Variants in BRINP2 observed in about 807,000 individuals in gnomAD.
The protein encoded by BRINP2 is BMP/retinoic acid inducible neural specific 2, also known as BMP/retinoic acid-inducible neural-specific protein 2.
BRINP2 carries 21 observed loss-of-function variants against 69.2 expected under a neutral mutation model. The ratio of observed to expected loss-of-function variants is 0.30; its 90% CI spans 0.22 to 0.44. The LOEUF (loss-of-function observed/expected upper bound fraction) is 0.44, where lower values mean the gene tolerates loss of function less well. Ranked by LOEUF, BRINP2 falls within the 20% of genes least tolerant of loss-of-function variation. BRINP2 has a pLI of 1.00. For synonymous variants in BRINP2, 380 were observed against 394.1 expected (o/e 0.96, Z 0.42); for missense variants, 877 against 986.0 (o/e 0.89, Z 1.48).
chr1:177,226,046 C>G (rs1649680713), intron 1 of BRINP2, among the ~76,000 whole-genome samples: 1 of 152,200 alleles, frequency 6.6e-6, no homozygotes, highest in South Asian at 2.1e-4. Context: ...AGCATAATTA[C>G]AAACAAAGAA....
In BRINP2 at chr1:177,177,258, GCAA is replaced by G. The variant is rs1428517542; in HGVS notation, c.-77+5529_-77+5531del. The stretch of plus-strand genomic sequence containing the variant: ...ATTGCGCCACTGCACTCCAGCCTGG[GCAA>G]CAGAGCGAGACTCTTTATAAAAACA... On this transcript the variant is annotated intron_variant, in intron 1 of 7. Coordinates refer to ENST00000361539, the MANE Select transcript of BRINP2 (RefSeq NM_021165.4). Among the ~76,000 whole-genome samples, 4 of 151,856 alleles carry G rather than the reference GCAA, an allele frequency of 2.6e-5. No individual in the cohort carries two copies. In the South Asian group the frequency reaches 8.3e-4, roughly 32 times the overall value.
At chr1:177,251,915 G>A (rs1016331130) in intron 2 of BRINP2, among the ~76,000 whole-genome samples, 1 of 152,112 alleles carries the variant, frequency 6.6e-6, no homozygotes, top group Non-Finnish European at 1.5e-5. Context: ...AAAAATAATA[G>A]ATTAGAAATT....
At chr1:177,238,385 C>T (rs1321713537) in intron 2 of BRINP2, among the ~76,000 whole-genome samples, 1 of 152,166 alleles carries the variant, frequency 6.6e-6, no homozygotes, top group Non-Finnish European at 1.5e-5. Context: ...GCCTTTGCCC[C>T]AAACTAAAGT....
intron 2 of BRINP2, 84 bp from the exon 3 acceptor site, chr1:177,255,835 G>C: frequency 7.2e-7 from 1 of 1,384,900 alleles, no homozygotes; most frequent in Non-Finnish European, 1.0e-6. Flanking sequence ...TGCAAGTGGA[G>C]GAAGAACATT....
intron 1 of BRINP2, among the ~76,000 whole-genome samples, chr1:177,200,734 T>G (rs1001955395): frequency 2.0e-5 from 3 of 152,216 alleles, no homozygotes; most frequent in Non-Finnish European, 2.9e-5. Flanking sequence ...TTATGATCAC[T>G]TAATACTTTG....
At position 177,230,674 on chromosome 1, in the gene BRINP2, G is replaced by T. The variant is rs139859990; in HGVS notation, c.269+529G>T. Reference sequence around the variant, plus strand: ...TCCGCAGGCCTTGTGGGAAAAAGGGGTTAGGCCCTTTAGGCCCATCCCCAG... The same window carrying T: ...TCCGCAGGCCTTGTGGGAAAAAGGGTTTAGGCCCTTTAGGCCCATCCCCAG... On this transcript the variant is annotated intron_variant, in intron 2 of 7. Coordinates refer to ENST00000361539, the MANE Select transcript of BRINP2 (RefSeq NM_021165.4). Among the ~76,000 whole-genome samples the T allele has an allele frequency of 6.9e-3, 1,046 of 152,336 alleles. 6 individuals are homozygous for T. The highest frequency in any genetic ancestry group is 0.011 in the Non-Finnish European group (760 of 68,032).
intron 1 of BRINP2, among the ~76,000 whole-genome samples, chr1:177,177,253 C>G (rs955068989): frequency 2.6e-4 from 40 of 151,818 alleles, no homozygotes; most frequent in Non-Finnish European, 7.4e-5. Context: ...TGCACTCCAG[C>G]CTGGGCAACA....
chr1:177,232,549 G>A (rs983990127), intron 2 of BRINP2, among the ~76,000 whole-genome samples: 10 of 152,076 alleles, frequency 6.6e-5, no homozygotes, highest in South Asian at 2.1e-4. Context: ...AGCATTCCTC[G>A]AGTTTTGCCT....
rs1650228388 is a variant in BRINP2, at chr1:177,242,264, G to T, written c.269+12119G>T. On this transcript the variant is annotated intron_variant, in intron 2 of 7. Coordinates refer to ENST00000361539, the MANE Select transcript of BRINP2 (RefSeq NM_021165.4). ...ATGCAACCTGCCTAAGTCCTTGTTG[G>T]TCCATCTGTCCCCCAAAAATAAAAC... 2.0e-5 allele frequency among the ~76,000 whole-genome samples: 3 copies of T among 151,966 alleles called. No individual in the cohort carries two copies. The South Asian group carries it at 6.2e-4, about 32-fold the overall frequency.
intron 2 of BRINP2, among the ~76,000 whole-genome samples, chr1:177,233,526 G>A (rs908618789): frequency 7.9e-5 from 12 of 152,174 alleles, no homozygotes; most frequent in African/African-American, 2.7e-4. Flanking sequence ...AATCATAGGT[G>A]TTTTTTGCTT....
At chr1:177,185,209 T>C (rs1172988532) in intron 1 of BRINP2, among the ~76,000 whole-genome samples, 2 of 152,038 alleles carry the variant, frequency 1.3e-5, no homozygotes, top group Non-Finnish European at 2.9e-5. Context: ...CATCCCCTCA[T>C]AGGCACTCGG....
intron 1 of BRINP2, among the ~76,000 whole-genome samples, chr1:177,220,994 G>T (rs532396709): frequency 2.8e-4 from 43 of 152,330 alleles, no homozygotes; most frequent in African/African-American, 1.0e-3. Context: ...AATCCTGCTT[G>T]TGTACTTTAA....
At chr1:177,273,027 T>G (rs1395604775) in intron 4 of BRINP2, among the ~76,000 whole-genome samples, 1 of 152,224 alleles carries the variant, frequency 6.6e-6, no homozygotes, top group East Asian at 1.9e-4. Flanking sequence ...ATACTAATAC[T>G]AATACTCATA....
At position 177,280,299 on chromosome 1, in the gene BRINP2, T is replaced by G. The variant is rs867989484; in HGVS notation, c.1236-113T>G. On this transcript the variant is annotated intron_variant, in intron 7 of 7. Transcript: ENST00000361539. ...CTGCCACTCAGAGATCTTGGGGATT[T>G]TATTTTCCTCATTGCCTTCCACGCC... 33 of 1,134,966 alleles carry G rather than the reference T, an allele frequency of 2.9e-5. No individual in the cohort carries two copies. The Middle Eastern group carries it at 2.4e-3, about 81-fold the overall frequency. 70.3% of individuals were successfully genotyped at this position (1,134,966 alleles called of 1,614,324 possible). A position where few individuals can be genotyped will look rare whatever the true frequency, so the allele number is the denominator to read the frequency against.
chr1:177,229,896 C>T lies in BRINP2; in HGVS notation c.20C>T (p.Thr7Ile), dbSNP rs1388145991. MRWQCG[T>I]RFRGLRPAVA... ...AGAAGCATGAGGTGGCAGTGTGGCA[C>T]TCGGTTTAGAGGGCTTCGGCCGGCG... Residue 7 changes from threonine to isoleucine, a missense_variant, in exon 2 of 8, where the codon ACT becomes ATT. Physicochemically the swap from Thr to Ile is moderately conservative, Grantham distance 89 (BLOSUM62 -1). Around this residue, in one of 3 missense-constraint regions of BRINP2, gnomAD observed 566 missense variants for 625.2 expected, o/e 0.91. Transcript: ENST00000361539. 4.4e-6 allele frequency: 7 copies of T among 1,589,952 alleles called. No homozygotes were observed. The East Asian group carries it at 9.0e-5, about 21-fold the overall frequency.
At chr1:177,232,003 C>T (rs1018984255) in intron 2 of BRINP2, among the ~76,000 whole-genome samples, 2 of 152,092 alleles carry the variant, frequency 1.3e-5, no homozygotes, top group African/African-American at 4.8e-5. Flanking sequence ...TCAGAAAATC[C>T]ACTCTAGAAT....
At chr1:177,219,559 G>A (rs1370946085) in intron 1 of BRINP2, among the ~76,000 whole-genome samples, 1 of 152,222 alleles carries the variant, frequency 6.6e-6, no homozygotes, top group Non-Finnish European at 1.5e-5. Context: ...GAAACAATGT[G>A]ATTGCTGGTC....
intron 4 of BRINP2, among the ~76,000 whole-genome samples, chr1:177,270,530 A>C (rs1439646133): frequency 7.5e-6 from 1 of 132,926 alleles, no homozygotes; most frequent in African/African-American, 2.8e-5. Context: ...GGTGGCAGGC[A>C]GGGATGGGGG....
chr1:177,231,514 C>T (rs1649861165), intron 2 of BRINP2, among the ~76,000 whole-genome samples: 1 of 152,226 alleles, frequency 6.6e-6, no homozygotes, highest in Non-Finnish European at 1.5e-5. Context: ...GGCCATTCAC[C>T]TGCTTCAAAA....
Sources: gnomAD v4.1 joint callset for allele counts (sites outside exome capture counted in the v4.1 genomes callset) on GRCh38, gnomAD v4.1.1 for gene constraint, gnomAD v4.1.1 regional missense constraint, MANE v1.5 for transcripts, NCBI Gene and HGNC (gene_info 2026-07-23, HGNC 2026-07-21) for gene names.